Variants in RP1 observed in about 807,000 individuals in gnomAD.
RP1 encodes the protein RP1 axonemal microtubule associated.
In RP1, 16 loss-of-function variants were observed where a neutral mutation model predicts 14.8. The ratio of observed to expected loss-of-function variants is 1.08; its 90% CI spans 0.73 to 1.65. The LOEUF (loss-of-function observed/expected upper bound fraction) is 1.65, where lower values mean the gene tolerates loss of function less well. Ranked by LOEUF, RP1 falls within the 40% of genes most tolerant of loss-of-function variation. The pLI is 0.00. For missense variants in RP1, 2,631 were observed against 2,535.0 expected (o/e 1.04, Z -0.81); for synonymous variants, 876 against 883.6 (o/e 0.99, Z 0.15).
intron 15 of RP1, among the ~76,000 whole-genome samples, chr8:54,710,753 C>G (rs915541236): frequency 1.3e-5 from 2 of 152,186 alleles, no homozygotes; most frequent in African/African-American, 4.8e-5. Context: ...TCTCTGAAGT[C>G]AAGTTGCCTC....
intron 18 of RP1, among the ~76,000 whole-genome samples, chr8:54,735,461 C>T (rs1401436199): frequency 6.6e-6 from 1 of 152,114 alleles, no homozygotes; most frequent in Non-Finnish European, 1.5e-5. Flanking sequence ...AAACAGCAGT[C>T]ATTTTCTCTG....
chr8:54,796,700 C>T (rs148815936), intron 24 of RP1, among the ~76,000 whole-genome samples: 278 of 152,266 alleles, frequency 1.8e-3, no homozygotes, highest in African/African-American at 6.3e-3. Context: ...CACCCAGAGT[C>T]TCAGAGGGAG....
rs1268819418 is a variant in RP1 at position 54,839,171 on chromosome 8, G to C, written c.3835+1502G>C. ...CTACTTGGTCATTTTGCCTTGAACA[G>C]GTGGGTTTAAATGCTTGATTCTTTA... On this transcript the variant is annotated intron_variant, in intron 25 of 28. Coordinates refer to the RP1 transcript ENST00000637698. Among the ~76,000 whole-genome samples, 3 of 152,212 alleles carry C rather than the reference G, an allele frequency of 2.0e-5. No homozygotes were observed. In the South Asian group the frequency reaches 6.2e-4, roughly 32 times the overall value.
intron 19 of RP1, among the ~76,000 whole-genome samples, chr8:54,747,320 C>T (rs751584168): frequency 1.3e-5 from 2 of 152,190 alleles, no homozygotes; most frequent in African/African-American, 2.4e-5. Flanking sequence ...CTGGTCTTCT[C>T]CTGCTTTAGA....
chr8:54,645,358 T>C (rs1249759046), intron 3 of RP1, among the ~76,000 whole-genome samples: 3 of 152,198 alleles, frequency 2.0e-5, no homozygotes, highest in Non-Finnish European at 4.4e-5. Context: ...ATGAGAGTTC[T>C]AGTTGTTCTA....
chr8:54,609,541 C>T (rs1416860628), intron 1 of RP1, among the ~76,000 whole-genome samples: 1 of 152,162 alleles, frequency 6.6e-6, no homozygotes, highest in Non-Finnish European at 1.5e-5. Context: ...CTTATGGTTA[C>T]TAACCAACAG....
Position 54,794,382 on chromosome 8 carries a change from G to A in RP1, c.3615+10672G>A, listed in dbSNP as rs1022796657. Among the ~76,000 whole-genome samples, 5 of 151,110 alleles carry A rather than the reference G, an allele frequency of 3.3e-5. No individual in the cohort carries two copies. In the East Asian group the frequency reaches 5.8e-4, roughly 18 times the overall value. On this transcript the variant is annotated intron_variant, in intron 24 of 28. Transcript: ENST00000637698. ...CATAAAAGTAGACACAAAGTCAAAC[G>A]GAACAGAATCAAGAGCCCAGAAATA...
chr8:54,629,232 C>A lies in RP1; in HGVS notation c.5350C>A (p.Pro1784Thr). 5.0e-6 allele frequency: 8 copies of A among 1,614,028 alleles called. No homozygotes were observed. The highest frequency in any genetic ancestry group is 6.8e-6 in the Non-Finnish European group (8 of 1,179,938). The change falls in exon 4 of 4, where the codon CCA becomes ACA. Residue 1784 changes from proline (P) to threonine (T), a missense_variant. Physicochemically the swap from Pro to Thr is conservative, Grantham distance 38. Transcript: ENST00000220676. ...ACTTGATAATAACAGCAGTGAGGTA[C>A]CATATTCACATTTTGGTAATTTGGC... ...TLLDNNSSEV[P>T]YSHFGNLAPG... is the part of the protein sequence containing the mutation.
chr8:54,717,176 C>T (rs1306902165), intron 15 of RP1, among the ~76,000 whole-genome samples: 1 of 152,154 alleles, frequency 6.6e-6, no homozygotes. Flanking sequence ...TTTTGTCAAC[C>T]ATTTTCTCTC....
rs773570888 is a variant in RP1, at chr8:54,630,168, T to A, written c.6286T>A (p.Phe2096Ile). Residue 2096 changes from phenylalanine to isoleucine, a missense_variant, in exon 4 of 4, where the codon TTC becomes ATC. Transcript: ENST00000220676. ...VVRENINCHYFFEMLGQACLL... is the reference protein window; with the variant it reads ...VVRENINCHYIFEMLGQACLL... ...AAGAGAAAATATCAACTGTCATTAC[T>A]TCTTTGAAATGCTTGGTCAAGCTTG... The A allele has an allele frequency of 2.5e-6, 4 of 1,613,704 alleles. No homozygotes were observed. The African/African-American group carries it at 4.0e-5, about 16-fold the overall frequency.
At chr8:54,805,873 C>A (rs887987093) in intron 24 of RP1, among the ~76,000 whole-genome samples, 5 of 152,250 alleles carry the variant, frequency 3.3e-5, no homozygotes, top group African/African-American at 9.6e-5. Flanking sequence ...TGTTTCCCAG[C>A]AGCCTTCAGG....
At chr8:54,682,005 C>T (rs374909424) in intron 12 of RP1, among the ~76,000 whole-genome samples, 17 of 152,120 alleles carry the variant, frequency 1.1e-4, no homozygotes, top group Middle Eastern at 3.4e-3. Flanking sequence ...AGTGAACGTA[C>T]GCAGGCATGT....
chr8:54,576,110 G>A (rs1188847366), intron 1 of RP1, among the ~76,000 whole-genome samples: 1 of 148,678 alleles, frequency 6.7e-6, no homozygotes, highest in East Asian at 2.0e-4. Context: ...GCGCAATCTC[G>A]GCTCACTGCA....
At chr8:54,808,077 A>G (rs1186431094) in intron 24 of RP1, among the ~76,000 whole-genome samples, 1 of 152,208 alleles carries the variant, frequency 6.6e-6, no homozygotes, top group Non-Finnish European at 1.5e-5. Flanking sequence ...AATAACCATC[A>G]TAGCGTGTAA....
At chr8:54,607,597 A>G (rs1261015073) in intron 1 of RP1, among the ~76,000 whole-genome samples, 2 of 152,184 alleles carry the variant, frequency 1.3e-5, no homozygotes, top group Non-Finnish European at 2.9e-5. Flanking sequence ...TTAAGTCTGC[A>G]TAGGTTTCTG....
intron 1 of RP1, among the ~76,000 whole-genome samples, chr8:54,584,679 G>T (rs1051873841): frequency 6.6e-6 from 1 of 152,108 alleles, no homozygotes; most frequent in Admixed American, 6.5e-5. Context: ...ATGAATCTGG[G>T]TGCTCCTGTA....
intron 22 of RP1, among the ~76,000 whole-genome samples, chr8:54,760,145 C>T (rs745543640): frequency 6.6e-6 from 1 of 152,194 alleles, no homozygotes; most frequent in Non-Finnish European, 1.5e-5. Context: ...TGAACAGAAG[C>T]GGTGAGATCA....
chr8:54,740,790 T>C (rs1418050655), intron 19 of RP1, among the ~76,000 whole-genome samples: 1 of 152,000 alleles, frequency 6.6e-6, no homozygotes, highest in Non-Finnish European at 1.5e-5. Context: ...ATGCCTGTCA[T>C]CTCAGCACTT....
At chr8:54,674,178 A>G (rs1163701645) in intron 8 of RP1, among the ~76,000 whole-genome samples, 1 of 152,176 alleles carries the variant, frequency 6.6e-6, no homozygotes, top group African/African-American at 2.4e-5. Context: ...AGTAATTTTA[A>G]AAAATAGAAG....
Sources: gnomAD v4.1 joint callset for allele counts (sites outside exome capture counted in the v4.1 genomes callset) on GRCh38, gnomAD v4.1.1 for gene constraint, MANE v1.5 for transcripts, NCBI Gene and HGNC (gene_info 2026-07-23, HGNC 2026-07-21) for gene names.